NUP98: variants seen among roughly 807,000 people sequenced by gnomAD.
The protein encoded by NUP98 is nucleoporin 98 and 96 precursor, also known as nuclear pore complex protein Nup98-Nup96.
In NUP98, 26 loss-of-function variants were observed where a neutral mutation model predicts 191.9. The ratio of observed to expected loss-of-function variants is 0.14; its 90% CI spans 0.10 to 0.19. The LOEUF is 0.19. NUP98 is among the 10% of genes least tolerant of loss of function. The pLI is 1.00. For missense variants in NUP98, 1,941 were observed against 2,178.8 expected (o/e 0.89, Z 2.17); for synonymous variants, 808 against 778.4 (o/e 1.04, Z -0.63).
At chr11:3,760,746 C>A in intron 9 of NUP98, 120 bp from the exon 10 acceptor site, 1 of 659,432 alleles carries the variant, frequency 1.5e-6, no homozygotes, top group South Asian at 2.4e-5. Flanking sequence ...TCCTAACATT[C>A]ATAAAAAAGG....
chr11:3,779,766 G>C (rs2081888649), intron 2 of NUP98, among the ~76,000 whole-genome samples: 1 of 152,134 alleles, frequency 6.6e-6, no homozygotes, highest in Non-Finnish European at 1.5e-5. Context: ...ATCGCCCCAG[G>C]GGAAGTATGA....
intron 1 of NUP98, among the ~76,000 whole-genome samples, chr11:3,789,887 C>T (rs1446390583): frequency 6.6e-6 from 1 of 152,138 alleles, no homozygotes; most frequent in African/African-American, 2.4e-5. Context: ...TGGGTTCAAG[C>T]GATTTCCCTG....
At chr11:3,797,170 C>G (rs1228335115) in intron 1 of NUP98, among the ~76,000 whole-genome samples, 1 of 152,272 alleles carries the variant, frequency 6.6e-6, no homozygotes, top group Non-Finnish European at 1.5e-5. Flanking sequence ...TGGAGACCTC[C>G]AGGCCTAGAC....
chr11:3,759,413 A>G (rs941989938), intron 10 of NUP98, among the ~76,000 whole-genome samples: 1 of 152,126 alleles, frequency 6.6e-6, no homozygotes, highest in African/African-American at 2.4e-5. Context: ...CCTGGCCTAC[A>G]TGGTGAAACC....
intron 14 of NUP98, among the ~76,000 whole-genome samples, chr11:3,728,312 T>C (rs1390042841): frequency 6.6e-6 from 1 of 152,198 alleles, no homozygotes; most frequent in Non-Finnish European, 1.5e-5. Flanking sequence ...ACTTTGGTCC[T>C]TACTCTGAGT....
chr11:3,743,260 A>G (rs908980957), intron 12 of NUP98, among the ~76,000 whole-genome samples: 2 of 150,390 alleles, frequency 1.3e-5, no homozygotes, highest in Non-Finnish European at 3.0e-5. Flanking sequence ...CTCGTGATCC[A>G]CCCGCCTCGG....
At chr11:3,694,089 AG>A (rs1432422093) in intron 26 of NUP98, among the ~76,000 whole-genome samples, 5 of 147,388 alleles carry the variant, frequency 3.4e-5, no homozygotes, top group Admixed American at 6.7e-5. Flanking sequence ...AAAAAAAAAA[AG>A]GCCGGGTGCA....
At chr11:3,742,699 C>CAAAA (rs35895691) in intron 12 of NUP98, among the ~76,000 whole-genome samples, 10 of 82,886 alleles carry the variant, frequency 1.2e-4, no homozygotes, top group African/African-American at 3.6e-4. Flanking sequence ...ACTCTGTCTC[C>CAAAA]AAAAAAAAAA....
At chr11:3,747,885 C>T (rs1328851351) in intron 11 of NUP98, among the ~76,000 whole-genome samples, 1 of 152,158 alleles carries the variant, frequency 6.6e-6, no homozygotes, top group Non-Finnish European at 1.5e-5. Flanking sequence ...CCTCCCAAAC[C>T]CAAGGGCCTG....
At chr11:3,736,622 T>A (rs1043453167) in intron 12 of NUP98, among the ~76,000 whole-genome samples, 1 of 152,190 alleles carries the variant, frequency 6.6e-6, no homozygotes, top group African/African-American at 2.4e-5. Context: ...AGCGAGACTC[T>A]GCCTCAAACA....
At chr11:3,781,394 A>G (rs2133946973) in intron 2 of NUP98, 1 of 151,604 alleles carries the variant, frequency 6.6e-6, no homozygotes, top group Middle Eastern at 3.2e-3. Context: ...CATTTTTAAC[A>G]AAGTGTCACA....
intron 1 of NUP98, among the ~76,000 whole-genome samples, chr11:3,796,294 G>A (rs2082560721): frequency 6.6e-6 from 1 of 152,104 alleles, no homozygotes; most frequent in African/African-American, 2.4e-5. Flanking sequence ...CTCCTACCTG[G>A]CTTTCTAAGT....
chr11:3,690,310 A>T (rs1260136792), intron 28 of NUP98, among the ~76,000 whole-genome samples: 1 of 148,552 alleles, frequency 6.7e-6, no homozygotes, highest in Non-Finnish European at 1.5e-5. Context: ...CCCAGGCTGG[A>T]GTGCAGTGGC....
intron 11 of NUP98, among the ~76,000 whole-genome samples, chr11:3,750,653 C>T (rs910628550): frequency 3.3e-5 from 5 of 151,620 alleles, no homozygotes; most frequent in African/African-American, 7.3e-5. Context: ...TTTAGGACAG[C>T]GTCTCATTCT....
chr11:3,702,691 C>G lies in NUP98; in HGVS notation c.3284G>C (p.Arg1095Pro). Residue 1095 changes from arginine (R) to proline (P), a missense_variant, in exon 23 of 33, where the codon CGT (arginine) becomes CCT (proline). Coordinates refer to ENST00000324932, the MANE Select transcript of NUP98 (RefSeq NM_016320.5). ...PEVPLKTVGT[R>P]RQLGLVPREK... is the part of the protein sequence containing the mutation. ...ACGAGGGACTAGGCCTAGTTGCCTA[C>G]GTGTACCCACTGTTTTCAACGGAAC... 1 of 1,614,180 alleles carries G rather than the reference C, an allele frequency of 6.2e-7. No individual in the cohort carries two copies. Among genetic ancestry groups the G allele is most frequent in the Non-Finnish European group, 8.5e-7 (1 of 1,180,048 alleles).
chr11:3,719,480 G>C lies in NUP98; in HGVS notation c.2331C>G (p.Ile777Met), dbSNP rs753761145. 2 of 1,595,542 alleles carry C rather than the reference G, an allele frequency of 1.3e-6. No individual in the cohort carries two copies. Among genetic ancestry groups the C allele is most frequent in the Non-Finnish European group, 1.7e-6 (2 of 1,172,284 alleles). Residue 777 changes from isoleucine to methionine, a missense_variant, in exon 18 of 33, where the codon ATC (isoleucine) becomes ATG (methionine). Around this residue, in one of 6 missense-constraint regions of NUP98, gnomAD observed 95 missense variants for 139.7 expected, o/e 0.68. Transcript: ENST00000324932. ...AGTAGACAACTACTTCTTTCCTCCG[G>C]ATATGCACAATATCATCCAAATTTA... ...TNLNLDDIVH[I>M]RRKEVVVYLD... is the part of the protein sequence containing the mutation.
rs541182417 is a variant in NUP98, at chr11:3,734,173, T to C, written c.1542+1018A>G. Among the ~76,000 whole-genome samples the C allele has an allele frequency of 1.2e-3, 187 of 152,156 alleles. 1 individual carries two copies. The highest frequency in any genetic ancestry group is 4.3e-3 in the African/African-American group (177 of 41,514). ...GCCTCAGCCTCCCAAGTAGCTGTGA[T>C]TACAGGTGCCCACCACCATGCCCAG... On this transcript the variant is annotated intron_variant, in intron 13 of 32. Coordinates refer to ENST00000324932, the MANE Select transcript of NUP98 (RefSeq NM_016320.5).
At chr11:3,694,033 C>T (rs996165703) in intron 26 of NUP98, among the ~76,000 whole-genome samples, 14 of 150,762 alleles carry the variant, frequency 9.3e-5, no homozygotes, top group Admixed American at 7.9e-4. Flanking sequence ...GAGTTCCAGA[C>T]CAGCCTGGCC....
chr11:3,797,449 G>A lies in NUP98; in HGVS notation c.-78C>T, dbSNP rs999578475. On this transcript the variant is annotated 5_prime_UTR_variant, in exon 1 of 33. Coordinates refer to ENST00000324932, the MANE Select transcript of NUP98 (RefSeq NM_016320.5). Reference sequence around the variant, plus strand: ...TGTCAGGAGTCCCCTGCTGCCACCCGCCGCTCACAGAGCAGCGCGCGGCCC... The same window carrying A: ...TGTCAGGAGTCCCCTGCTGCCACCCACCGCTCACAGAGCAGCGCGCGGCCC... The A allele has an allele frequency of 2.2e-5, 9 of 413,036 alleles. No homozygotes were observed. The highest frequency in any genetic ancestry group is 3.8e-5 in the Non-Finnish European group (9 of 234,550). 25.6% of individuals were successfully genotyped at this position (413,036 alleles called of 1,614,324 possible).
Sources: allele counts gnomAD v4.1 joint callset (sites outside exome capture counted in the v4.1 genomes callset), GRCh38; gene constraint gnomAD v4.1.1; regional missense constraint gnomAD v4.1.1; transcripts MANE v1.5; gene names NCBI Gene and HGNC (gene_info 2026-07-23, HGNC 2026-07-21).